The following EPHA6 variants were observed in gnomAD, a reference collection of about 807,000 sequenced individuals.
EPHA6 encodes ephrin type-A receptor 6.
In EPHA6, 50 loss-of-function variants were observed where a neutral mutation model predicts 112.0. The ratio of observed to expected loss-of-function variants is 0.45; its 90% CI spans 0.36 to 0.56. The LOEUF (loss-of-function observed/expected upper bound fraction) is 0.56, where lower values mean the gene tolerates loss of function less well. EPHA6 is among the 20% of genes least tolerant of loss of function. The pLI, the probability that EPHA6 is intolerant of heterozygous loss-of-function variation, is 0.00. For synonymous variants in EPHA6, 529 were observed against 490.7 expected (o/e 1.08, Z -1.03); for missense variants, 1,280 against 1,417.4 (o/e 0.90, Z 1.56).
chr3:97,454,533 G>A (rs1318635221), intron 7 of EPHA6, among the ~76,000 whole-genome samples: 2 of 151,728 alleles, frequency 1.3e-5, no homozygotes, highest in Middle Eastern at 3.2e-3. Flanking sequence ...CCATAGATAA[G>A]CAATATTGCT....
At chr3:97,713,239 A>C (rs2107770302) in intron 14 of EPHA6, among the ~76,000 whole-genome samples, 1 of 152,250 alleles carries the variant, frequency 6.6e-6, no homozygotes, top group South Asian at 2.1e-4. Flanking sequence ...TAAGGAAACA[A>C]AATAAAAATA....
chr3:96,960,911 CCCTTT>C (rs1424396786), intron 2 of EPHA6, among the ~76,000 whole-genome samples: 3 of 152,330 alleles, frequency 2.0e-5, no homozygotes, highest in African/African-American at 7.2e-5. Context: ...ATCCTTCTCT[CCCTTT>C]CCACTAGTCT....
chr3:97,284,924 A>G (rs577259853), intron 5 of EPHA6, among the ~76,000 whole-genome samples: 1 of 152,294 alleles, frequency 6.6e-6, no homozygotes, highest in South Asian at 2.1e-4. Flanking sequence ...TACATTCACT[A>G]TATAACTGAC....
intron 2 of EPHA6, among the ~76,000 whole-genome samples, chr3:96,890,109 G>A (rs375580480): frequency 2.2e-4 from 33 of 147,690 alleles, no homozygotes; most frequent in East Asian, 1.8e-3. Context: ...TTATTAAACC[G>A]AACCCCCAAA....
chr3:97,450,377 G>T (rs1193647553), intron 7 of EPHA6, among the ~76,000 whole-genome samples: 2 of 151,930 alleles, frequency 1.3e-5, no homozygotes, highest in Non-Finnish European at 1.5e-5. Context: ...AATAGCTTTT[G>T]CACTTCTCTT....
At chr3:97,016,628 C>G (rs1044588262) in intron 3 of EPHA6, among the ~76,000 whole-genome samples, 5 of 152,132 alleles carry the variant, frequency 3.3e-5, no homozygotes, top group Admixed American at 2.6e-4. Flanking sequence ...TGACGTATGT[C>G]TAGAGCCGTG....
intron 2 of EPHA6, among the ~76,000 whole-genome samples, chr3:96,890,404 C>T (rs1336594830): frequency 2.2e-4 from 33 of 151,878 alleles, no homozygotes; most frequent in Non-Finnish European, 4.9e-4. Flanking sequence ...AGTCAATAGA[C>T]ATATGAAAAG....
chr3:97,152,260 G>T (rs961866558), intron 3 of EPHA6, among the ~76,000 whole-genome samples: 1 of 151,846 alleles, frequency 6.6e-6, no homozygotes, highest in Non-Finnish European at 1.5e-5. Flanking sequence ...TTCTACCAAG[G>T]ATTTTAGAAT....
At chr3:97,497,300 C>T (rs1308703985) in intron 10 of EPHA6, among the ~76,000 whole-genome samples, 1 of 152,168 alleles carries the variant, frequency 6.6e-6, no homozygotes, top group Admixed American at 6.6e-5. Flanking sequence ...CAACTTTCTA[C>T]ATGCACTCCT....
chr3:97,628,020 C>A (rs190745052), intron 13 of EPHA6, among the ~76,000 whole-genome samples: 1 of 151,908 alleles, frequency 6.6e-6, no homozygotes, highest in Non-Finnish European at 1.5e-5. Flanking sequence ...ATATGGGAAG[C>A]CACTGTAGTC....
chr3:97,100,137 A>G (rs1411987310), intron 3 of EPHA6, among the ~76,000 whole-genome samples: 1 of 151,794 alleles, frequency 6.6e-6, no homozygotes, highest in African/African-American at 2.4e-5. Flanking sequence ...GTTAATAAAG[A>G]GAAGCTGTTC....
intron 5 of EPHA6, among the ~76,000 whole-genome samples, chr3:97,271,447 TC>T (rs1418006070): frequency 6.6e-6 from 1 of 152,234 alleles, no homozygotes; most frequent in Non-Finnish European, 1.5e-5. Flanking sequence ...CAACCTCCGC[TC>T]CTGGGTTCAA....
chr3:97,195,275 G>A (rs906552263), intron 3 of EPHA6, among the ~76,000 whole-genome samples: 3 of 151,642 alleles, frequency 2.0e-5, no homozygotes, highest in African/African-American at 7.3e-5. Flanking sequence ...ATTTGAGATA[G>A]CCACGAGGCT....
intron 14 of EPHA6, among the ~76,000 whole-genome samples, chr3:97,663,397 C>T (rs1429850590): frequency 4.0e-5 from 6 of 151,400 alleles, no homozygotes; most frequent in Admixed American, 4.0e-4. Context: ...AGGTTTGTTA[C>T]ATATGTATAC....
chr3:97,361,150 T>A (rs1273539165), intron 5 of EPHA6, among the ~76,000 whole-genome samples: 1 of 152,228 alleles, frequency 6.6e-6, no homozygotes, highest in Non-Finnish European at 1.5e-5. Context: ...TTCATAGGCA[T>A]GCATCATTTA....
At position 97,189,010 on chromosome 3, in the gene EPHA6, C is replaced by T. The variant is rs544127680; in HGVS notation, c.1115-37254C>T. 1.8e-3 allele frequency among the ~76,000 whole-genome samples: 275 copies of T among 151,630 alleles called. 1 individual carries two copies. Among genetic ancestry groups the T allele is most frequent in the Non-Finnish European group, 1.5e-3 (99 of 67,816 alleles). ...ATTTTATAATTTTATATTATCTTTA[C>T]GATAAAAATTGAAAGAGTTGATCAT... On this transcript the variant is annotated intron_variant, in intron 3 of 17. Coordinates refer to ENST00000389672, the MANE Select transcript of EPHA6 (RefSeq NM_001080448.3).
At chr3:97,087,874 A>G (rs1270071031) in intron 3 of EPHA6, among the ~76,000 whole-genome samples, 2 of 152,086 alleles carry the variant, frequency 1.3e-5, no homozygotes, top group African/African-American at 4.8e-5. Context: ...AAATATTTGT[A>G]CCTTCATTTC....
At chr3:97,232,044 G>A (rs2078541582) in intron 4 of EPHA6, among the ~76,000 whole-genome samples, 1 of 152,112 alleles carries the variant, frequency 6.6e-6, no homozygotes, top group Admixed American at 6.5e-5. Flanking sequence ...TTGGTTTCGA[G>A]GTTTATTTCT....
chr3:97,142,320 G>T (rs1454987891), intron 3 of EPHA6, among the ~76,000 whole-genome samples: 3 of 151,954 alleles, frequency 2.0e-5, no homozygotes, highest in Non-Finnish European at 2.9e-5. Context: ...CAGGCTCAAA[G>T]AGTGTGTTTA....
Sources: gnomAD v4.1 joint callset for allele counts (sites outside exome capture counted in the v4.1 genomes callset) on GRCh38, gnomAD v4.1.1 for gene constraint, MANE v1.5 for transcripts, NCBI Gene and HGNC (gene_info 2026-07-23, HGNC 2026-07-21) for gene names.